Variants in NRCAM observed in about 807,000 individuals in gnomAD.
NRCAM encodes the protein NgCAM-related cell adhesion molecule.
NRCAM carries 83 observed loss-of-function variants against 156.5 expected under a neutral mutation model. The ratio of observed to expected loss-of-function variants is 0.53; its 90% CI spans 0.44 to 0.64. NRCAM has a LOEUF of 0.64. Ranked by LOEUF, NRCAM falls within the 30% of genes least tolerant of loss-of-function variation. NRCAM has a pLI of 0.00. For missense variants in NRCAM, 1,417 were observed against 1,597.3 expected, an observed-to-expected ratio of 0.89 and a Z score of 1.92; for synonymous variants, 538 against 563.9, an observed-to-expected ratio of 0.95 and a Z score of 0.65.
chr7:108,184,170 G>T (rs373954459), intron 22 of NRCAM, 71 bp downstream of exon 22: 4 of 1,114,322 alleles, frequency 3.6e-6, no homozygotes, highest in Non-Finnish European at 1.4e-6. Context: ...TTCTAATGTA[G>T]ATATTATTTT....
chr7:108,326,223 C>A (rs906937439), intron 2 of NRCAM, among the ~76,000 whole-genome samples: 9 of 151,990 alleles, frequency 5.9e-5, no homozygotes, highest in Non-Finnish European at 2.9e-5. Flanking sequence ...TGTTTTGATT[C>A]AAAAAATCAT....
chr7:108,202,101 T>C (rs1256898244), intron 13 of NRCAM, among the ~76,000 whole-genome samples: 1 of 152,202 alleles, frequency 6.6e-6, no homozygotes, highest in Admixed American at 6.5e-5. Context: ...TCATTAATTC[T>C]AGGAATAACC....
At chr7:108,320,729 A>T (rs1227607929) in intron 2 of NRCAM, among the ~76,000 whole-genome samples, 1 of 152,250 alleles carries the variant, frequency 6.6e-6, no homozygotes, top group Non-Finnish European at 1.5e-5. Flanking sequence ...GAACTTGAAC[A>T]AAGAATCAAA....
intron 20 of NRCAM, among the ~76,000 whole-genome samples, chr7:108,187,346 T>G (rs2067542240): frequency 6.6e-6 from 1 of 152,198 alleles, no homozygotes; most frequent in Admixed American, 6.5e-5. Context: ...GCAGCCACAC[T>G]GGCATCCTAG....
At chr7:108,449,443 T>C (rs1351185133) in intron 1 of NRCAM, among the ~76,000 whole-genome samples, 2 of 152,228 alleles carry the variant, frequency 1.3e-5, no homozygotes, top group Non-Finnish European at 1.5e-5. Context: ...TTGTTCACTT[T>C]TGTCCTTTCA....
Position 108,148,657 on chromosome 7 carries a change from G to A in NRCAM, c.*1253C>T, listed in dbSNP as rs564387822. On this transcript the variant is annotated 3_prime_UTR_variant, in exon 33 of 33. Transcript: ENST00000379028. ...TGTATCCATAACAATTTGCATACAC[G>A]TTGTTTAATGCTGCAGAGTTTTGAA... 3.3e-5 allele frequency: 5 copies of A among 152,616 alleles called. No individual in the cohort carries two copies. The highest frequency in any genetic ancestry group is 2.1e-4 in the South Asian group (1 of 4,832). 9.5% of individuals were successfully genotyped at this position (152,616 alleles called of 1,614,324 possible).
intron 11 of NRCAM, among the ~76,000 whole-genome samples, chr7:108,220,261 T>C (rs1404089135): frequency 1.3e-5 from 2 of 151,964 alleles, no homozygotes; most frequent in Non-Finnish European, 2.9e-5. Context: ...ATTGTGAAAA[T>C]GACATACTGC....
At chr7:108,165,769 ATT>A (rs1359062314) in intron 30 of NRCAM, among the ~76,000 whole-genome samples, 1 of 152,210 alleles carries the variant, frequency 6.6e-6, no homozygotes, top group African/African-American at 2.4e-5. Flanking sequence ...ATTTTTCTAA[ATT>A]GTAAAAACTG....
rs139581171 is a variant in NRCAM, at chr7:108,274,736, T to C, written c.-106-34566A>G. On this transcript the variant is annotated intron_variant, in intron 3 of 32. Transcript: ENST00000379028. ...CCTAATTGAATACACTTTATTTCTTTCTCTTGCTTGATTGTCCTGGCCAGA... is the reference window on the plus strand; with the variant it reads ...CCTAATTGAATACACTTTATTTCTTCCTCTTGCTTGATTGTCCTGGCCAGA... Among the ~76,000 whole-genome samples, 1,452 of 152,320 alleles carry C rather than the reference T, an allele frequency of 9.5e-3. 27 individuals are homozygous for C. Among genetic ancestry groups the C allele is most frequent in the African/African-American group, 0.033 (1,363 of 41,560 alleles).
At chr7:108,193,044 A>G (rs2073007966) in intron 17 of NRCAM, among the ~76,000 whole-genome samples, 1 of 152,184 alleles carries the variant, frequency 6.6e-6, no homozygotes, top group African/African-American at 2.4e-5. Flanking sequence ...AATCTTAAAG[A>G]CAGGGTCTCA....
intron 2 of NRCAM, among the ~76,000 whole-genome samples, chr7:108,396,700 T>C (rs2099777874): frequency 6.6e-6 from 1 of 152,214 alleles, no homozygotes; most frequent in African/African-American, 2.4e-5. Flanking sequence ...TAAATATGAC[T>C]AATTTGTATA....
At chr7:108,204,521 A>G (rs1404207422) in intron 13 of NRCAM, among the ~76,000 whole-genome samples, 1 of 152,204 alleles carries the variant, frequency 6.6e-6, no homozygotes, top group Non-Finnish European at 1.5e-5. Context: ...AGATGTCGAG[A>G]AAGACCCCTT....
chr7:108,321,250 T>A lies in NRCAM; in HGVS notation c.-173-8519A>T, dbSNP rs139561795. Among the ~76,000 whole-genome samples, 134 of 152,354 alleles carry A rather than the reference T, an allele frequency of 8.8e-4. 1 individual carries two copies. Among genetic ancestry groups the A allele is most frequent in the African/African-American group, 3.0e-3 (123 of 41,586 alleles). On this transcript the variant is annotated intron_variant, in intron 2 of 32. Coordinates refer to ENST00000379028, the MANE Select transcript of NRCAM (RefSeq NM_001037132.4). ...TGTTTTATTATAACCTACTGTGTTATAACCTACTAGTTCATTTCCGTTGCT... is the reference window on the plus strand; with the variant it reads ...TGTTTTATTATAACCTACTGTGTTAAAACCTACTAGTTCATTTCCGTTGCT...
intron 24 of NRCAM, among the ~76,000 whole-genome samples, chr7:108,180,696 A>G (rs1019036810): frequency 3.9e-5 from 6 of 152,214 alleles, no homozygotes; most frequent in African/African-American, 1.4e-4. Context: ...CACGAGACCC[A>G]TGTGGTTTTC....
Position 108,159,577 on chromosome 7 carries a change from T to G in NRCAM, c.3599-36A>C, listed in dbSNP as rs908065848. ...CCAAAATGGTATTATTATCTGTTGA[T>G]CCTGTTCTTTCTTATTCAAAGTCCA... is the stretch of plus-strand genomic sequence containing the variant. On this transcript the variant is annotated intron_variant, in intron 31 of 32. Coordinates refer to ENST00000379028, the MANE Select transcript of NRCAM (RefSeq NM_001037132.4). The G allele has an allele frequency of 2.0e-6, 3 of 1,495,742 alleles. No individual in the cohort carries two copies. The African/African-American group carries it at 4.1e-5, about 21-fold the overall frequency. 92.7% of individuals were successfully genotyped at this position (1,495,742 alleles called of 1,614,324 possible). A position where few individuals can be genotyped will look rare whatever the true frequency, so the allele number is the denominator to read the frequency against.
At chr7:108,369,366 T>C (rs2099614190) in intron 2 of NRCAM, among the ~76,000 whole-genome samples, 1 of 151,864 alleles carries the variant, frequency 6.6e-6, no homozygotes, top group Non-Finnish European at 1.5e-5. Flanking sequence ...TTACTGATAA[T>C]TTTTTTTGAA....
intron 3 of NRCAM, among the ~76,000 whole-genome samples, chr7:108,261,728 T>C (rs1446257389): frequency 6.6e-6 from 1 of 152,172 alleles, no homozygotes; most frequent in African/African-American, 2.4e-5. Context: ...TTGGCACAGG[T>C]GCTCTAGGAC....
rs147845657 is a variant in NRCAM, at chr7:108,182,924, C to G, written c.2305-4G>C. On this transcript the variant is annotated splice_region_variant and splice_polypyrimidine_tract_variant and intron_variant, in intron 22 of 32. Transcript: ENST00000379028. ...TAGATTCGAAACCATTCAAGGGCTA[C>G]AAGGAAAGCCAAATAACCAGAGCTT... is the stretch of plus-strand genomic sequence containing the variant. The G allele has an allele frequency of 1.2e-6, 2 of 1,612,152 alleles. No homozygotes were observed. Among genetic ancestry groups the G allele is most frequent in the Non-Finnish European group, 1.7e-6 (2 of 1,178,400 alleles).
intron 1 of NRCAM, among the ~76,000 whole-genome samples, chr7:108,403,968 A>T (rs1198446154): frequency 6.6e-6 from 1 of 152,112 alleles, no homozygotes; most frequent in Non-Finnish European, 1.5e-5. Context: ...TCTCACACCG[A>T]AGGGCTTTTT....
Sources: allele counts gnomAD v4.1 joint callset (sites outside exome capture counted in the v4.1 genomes callset), GRCh38; gene constraint gnomAD v4.1.1; transcripts MANE v1.5; gene names NCBI Gene and HGNC (gene_info 2026-07-23, HGNC 2026-07-21).